PREX2: variants seen among roughly 807,000 people sequenced by gnomAD.
PREX2 encodes the protein phosphatidylinositol 3,4,5-trisphosphate-dependent Rac exchanger 2 protein.
A neutral mutation model predicts 203.2 loss-of-function variants in PREX2; 107 were observed. That is an observed-to-expected ratio of 0.53 (90% confidence interval 0.45 to 0.62). The LOEUF (loss-of-function observed/expected upper bound fraction) is 0.62, where lower values mean the gene tolerates loss of function less well. Ranked by LOEUF, PREX2 falls within the 20% of genes least tolerant of loss-of-function variation. The pLI, the probability that PREX2 is intolerant of heterozygous loss-of-function variation, is 0.00. For missense variants in PREX2, 1,777 were observed against 1,955.9 expected (o/e 0.91, Z 1.72); for synonymous variants, 672 against 663.6 (o/e 1.01, Z -0.19).
chr8:68,115,968 A>G, intron 26 of PREX2, 36 bp downstream of exon 26: 1 of 1,510,440 alleles, frequency 6.6e-7, no homozygotes, highest in Non-Finnish European at 8.9e-7. Context: ...TTTTCTTAAC[A>G]AAGTCAAATA....
rs1033189740 is a variant in PREX2 at position 67,988,853 on chromosome 8, C to T, written c.142-28993C>T. On this transcript the variant is annotated intron_variant, in intron 1 of 39. Transcript: ENST00000288368. ...ACCCCATGGACTGTGAGACTCAGCT[C>T]CAGCCAACTATCGCCAAGAGGCAGC... 1.2e-4 allele frequency among the ~76,000 whole-genome samples: 18 copies of T among 152,342 alleles called. No homozygotes were observed. The South Asian group carries it at 3.7e-3, about 32-fold the overall frequency.
intron 1 of PREX2, among the ~76,000 whole-genome samples, chr8:67,965,998 G>GCAAATATTCTTTGTGATTTAA (rs1196741709): frequency 6.6e-6 from 1 of 152,050 alleles, no homozygotes; most frequent in African/African-American, 2.4e-5. Flanking sequence ...TTTGAGGGTA[G>GCAAATATTCTTTGTGATTTAA]CAAATATTCT....
At chr8:68,166,103 G>A (rs1385632936) in intron 35 of PREX2, among the ~76,000 whole-genome samples, 1 of 152,178 alleles carries the variant, frequency 6.6e-6, no homozygotes, top group Admixed American at 6.5e-5. Flanking sequence ...TCTCTGCAGA[G>A]CTCTTTGCCT....
chr8:68,129,586 C>T (rs935387462), intron 31 of PREX2, among the ~76,000 whole-genome samples: 1 of 151,930 alleles, frequency 6.6e-6, no homozygotes, highest in African/African-American at 2.4e-5. Flanking sequence ...TTTATTTTCC[C>T]TGCAATCTCT....
At chr8:68,099,642 G>GTT (rs1002479777) in intron 22 of PREX2, 40 bp from the exon 23 acceptor site, 11 of 1,588,534 alleles carry the variant, frequency 6.9e-6, no homozygotes, top group Non-Finnish European at 9.5e-6. Flanking sequence ...CTGTATGTGT[G>GTT]TTTGTGTGTG....
At position 67,976,409 on chromosome 8, in the gene PREX2, AG is replaced by A. The variant is rs1322061929; in HGVS notation, c.141+23875del. ...GGGAGAGAGACAGAGAGAGAGAGAG[AG>A]AGACAGGAGAGAGACAGAGAGAGAG... On this transcript the variant is annotated intron_variant, in intron 1 of 39. Transcript: ENST00000288368. Among the ~76,000 whole-genome samples, 12 of 151,016 alleles carry A rather than the reference AG, an allele frequency of 7.9e-5. 1 individual carries two copies. Among genetic ancestry groups the A allele is most frequent in the African/African-American group, 2.9e-4 (12 of 41,036 alleles).
intron 11 of PREX2, among the ~76,000 whole-genome samples, chr8:68,062,018 C>T (rs1435919994): frequency 6.6e-6 from 1 of 152,108 alleles, no homozygotes. Flanking sequence ...CATTTCCTTT[C>T]TTAGATACTG....
chr8:68,055,830 G>A lies in PREX2; in HGVS notation c.1094G>A (p.Gly365Asp). 6.2e-7 allele frequency: 1 copy of A among 1,609,722 alleles called. No homozygotes were observed. The highest frequency in any genetic ancestry group is 8.5e-7 in the Non-Finnish European group (1 of 1,178,878). ...AILKERERRK[G>D]LKLGMEQDTW... ...CTCTCCTTTCTTTCATTTTTGATAG[G>A]TTTAAAATTAGGAATGGAGCAAGAT... The change falls in exon 10 of 40, where the codon GGT (glycine) becomes GAT (aspartate). Residue 365 changes from glycine (G) to aspartate (D), a missense_variant and splice_region_variant. Gly to Asp is a moderately conservative substitution (Grantham distance 94, BLOSUM62 -1). Coordinates refer to ENST00000288368, the MANE Select transcript of PREX2 (RefSeq NM_024870.4).
At chr8:67,977,747 A>G (rs780111499) in intron 1 of PREX2, among the ~76,000 whole-genome samples, 4 of 152,200 alleles carry the variant, frequency 2.6e-5, no homozygotes, top group Non-Finnish European at 5.9e-5. Context: ...AATTGTGTCT[A>G]CATAATGAAG....
intron 9 of PREX2, 70 bp downstream of exon 9, chr8:68,053,316 A>G: frequency 2.0e-6 from 3 of 1,491,700 alleles, no homozygotes; most frequent in Non-Finnish European, 1.8e-6. Flanking sequence ...AGATAATGGG[A>G]AAACATGAGA....
intron 33 of PREX2, among the ~76,000 whole-genome samples, chr8:68,143,959 T>C (rs764743805): frequency 1.6e-4 from 24 of 152,184 alleles, no homozygotes; most frequent in Non-Finnish European, 3.1e-4. Flanking sequence ...CTTTGCTCCA[T>C]TGTATTATCT....
At chr8:68,122,455 A>G (rs967196545) in intron 30 of PREX2, among the ~76,000 whole-genome samples, 16 of 152,200 alleles carry the variant, frequency 1.1e-4, no homozygotes, top group Non-Finnish European at 7.4e-5. Flanking sequence ...TAAATGTTAA[A>G]TGCATTTTTG....
intron 1 of PREX2, among the ~76,000 whole-genome samples, chr8:68,016,069 C>T (rs1286693103): frequency 1.3e-5 from 2 of 152,262 alleles, no homozygotes; most frequent in South Asian, 4.1e-4. Context: ...GGAGCGAGAT[C>T]TTGTGGCTCA....
rs562614837 is a variant in PREX2, at chr8:68,011,648, A to G, written c.142-6198A>G. Reference sequence around the variant, plus strand: ...TATTGACTTTTATATGAATACTCTTATTTTTTTTAATGTTAGCAATTGAGT... The same window carrying G: ...TATTGACTTTTATATGAATACTCTTGTTTTTTTTAATGTTAGCAATTGAGT... On this transcript the variant is annotated intron_variant, in intron 1 of 39. Coordinates refer to ENST00000288368, the MANE Select transcript of PREX2 (RefSeq NM_024870.4). Among the ~76,000 whole-genome samples, 6 of 151,240 alleles carry G rather than the reference A, an allele frequency of 4.0e-5. No individual in the cohort carries two copies. The East Asian group carries it at 9.7e-4, about 24-fold the overall frequency.
At chr8:68,146,158 T>C (rs1360443617) in intron 33 of PREX2, 51 bp from the exon 34 acceptor site, 2 of 1,298,064 alleles carry the variant, frequency 1.5e-6, no homozygotes, top group East Asian at 4.7e-5. Context: ...AAAAGTACCA[T>C]CTAGCATATC....
At chr8:68,135,269 G>A (rs1176882311) in intron 32 of PREX2, among the ~76,000 whole-genome samples, 1 of 152,010 alleles carries the variant, frequency 6.6e-6, no homozygotes, top group African/African-American at 2.4e-5. Context: ...TCAAGTGCCG[G>A]TGCTTTTACT....
intron 37 of PREX2, among the ~76,000 whole-genome samples, chr8:68,213,703 GC>G (rs2129615194): frequency 6.6e-6 from 1 of 152,226 alleles, no homozygotes; most frequent in South Asian, 2.1e-4. Flanking sequence ...TTAATTATAA[GC>G]ACAGATATAT....
intron 1 of PREX2, 73 bp from the exon 2 acceptor site, chr8:68,017,773 T>A (rs1807447901): frequency 7.8e-7 from 1 of 1,274,298 alleles, no homozygotes; most frequent in African/African-American, 1.5e-5. Flanking sequence ...AAGAAATTAG[T>A]TTAATTCTAC....
In PREX2 at chr8:68,138,384, T is replaced by G. The variant is rs759305790; in HGVS notation, c.3985-31T>G. On this transcript the variant is annotated intron_variant, in intron 32 of 39. Coordinates refer to ENST00000288368, the MANE Select transcript of PREX2 (RefSeq NM_024870.4). ...TACGTTATATTGCTTTATATCATCT[T>G]GTATTATATATTGTTTTTCTTTCTT... is the stretch of plus-strand genomic sequence containing the variant. The G allele has an allele frequency of 2.6e-6, 3 of 1,148,600 alleles. No individual in the cohort carries two copies. In the East Asian group the frequency reaches 7.2e-5, roughly 28 times the overall value. The allele number at this position is 1,148,600 out of a possible 1,614,324, so 71.2% of individuals were successfully genotyped here.
Sources: gnomAD v4.1 joint callset for allele counts (sites outside exome capture counted in the v4.1 genomes callset) on GRCh38, gnomAD v4.1.1 for gene constraint, MANE v1.5 for transcripts, NCBI Gene and HGNC (gene_info 2026-07-23, HGNC 2026-07-21) for gene names.